NUCKS1: variants seen among roughly 807,000 people sequenced by gnomAD.
NUCKS1 encodes nuclear ubiquitous casein and cyclin-dependent kinase substrate 1.
NUCKS1 carries 2 observed loss-of-function variants against 33.0 expected under a neutral mutation model. The ratio of observed to expected loss-of-function variants is 0.06; its 90% CI spans 0.02 to 0.19. NUCKS1 has a LOEUF of 0.19. Among genes scored for constraint, NUCKS1 ranks in the 10% least tolerant of loss-of-function variants. NUCKS1 has a pLI of 1.00. For missense variants in NUCKS1, 201 were observed against 293.6 expected, an observed-to-expected ratio of 0.68 and a Z score of 2.31; for synonymous variants, 106 against 102.8, an observed-to-expected ratio of 1.03 and a Z score of -0.19.
At chr1:205,742,904 G>A (rs1302556217) in intron 1 of NUCKS1, among the ~76,000 whole-genome samples, 3 of 152,182 alleles carry the variant, frequency 2.0e-5, no homozygotes, top group Admixed American at 2.0e-4. Context: ...GAGTCTCCTA[G>A]GTGCAGTCTC....
chr1:205,741,655 CAG>C (rs1160060033), intron 1 of NUCKS1, among the ~76,000 whole-genome samples: 1 of 152,066 alleles, frequency 6.6e-6, no homozygotes, highest in African/African-American at 2.4e-5. Context: ...TCTCATGTAA[CAG>C]AAAAAATTAC....
chr1:205,730,966 G>C (rs1653896771), intron 1 of NUCKS1, among the ~76,000 whole-genome samples: 1 of 152,124 alleles, frequency 6.6e-6, no homozygotes, highest in African/African-American at 2.4e-5. Flanking sequence ...ATGTATACTT[G>C]ATAAACAAGG....
chr1:205,722,887 C>T (rs1489894836), intron 4 of NUCKS1, among the ~76,000 whole-genome samples: 1 of 152,190 alleles, frequency 6.6e-6, no homozygotes, highest in Non-Finnish European at 1.5e-5. Flanking sequence ...TTAAAAATCT[C>T]ATCTAGAGAC....
At chr1:205,738,100 A>G (rs1654072372) in intron 1 of NUCKS1, among the ~76,000 whole-genome samples, 1 of 151,370 alleles carries the variant, frequency 6.6e-6, no homozygotes, top group African/African-American at 2.4e-5. Context: ...ATCTCGGCTC[A>G]CTGCAACCTC....
chr1:205,737,028 C>G (rs1314082354), intron 1 of NUCKS1, among the ~76,000 whole-genome samples: 1 of 152,050 alleles, frequency 6.6e-6, no homozygotes, highest in Non-Finnish European at 1.5e-5. Flanking sequence ...TACTAGGGCT[C>G]CTTTTTAACA....
In NUCKS1 at chr1:205,750,101, G is replaced by A; in HGVS notation, c.-128C>T. On this transcript the variant is annotated 5_prime_UTR_variant, in exon 1 of 7. Transcript: ENST00000367142. ...CGCTGCTGCCGAACCCCGAGCTGCTGGCTTCTCAAACTCCGCTGCTCTTTG... is the reference window on the plus strand; with the variant it reads ...CGCTGCTGCCGAACCCCGAGCTGCTAGCTTCTCAAACTCCGCTGCTCTTTG... 2 of 1,028,174 alleles carry A rather than the reference G, an allele frequency of 1.9e-6. No individual in the cohort carries two copies. The highest frequency in any genetic ancestry group is 1.7e-5 in the African/African-American group (1 of 58,558). 63.7% of individuals were successfully genotyped at this position (1,028,174 alleles called of 1,614,324 possible).
intron 1 of NUCKS1, among the ~76,000 whole-genome samples, chr1:205,744,347 C>T (rs1002309854): frequency 4.6e-5 from 7 of 152,278 alleles, no homozygotes; most frequent in African/African-American, 1.7e-4. Context: ...ATGAGGATAA[C>T]ATATGCCTTT....
At chr1:205,733,326 T>C (rs954050409) in intron 1 of NUCKS1, among the ~76,000 whole-genome samples, 4 of 151,634 alleles carry the variant, frequency 2.6e-5, no homozygotes, top group Non-Finnish European at 5.9e-5. Context: ...AGGGCTTTGA[T>C]GTGAAAGGAG....
intron 6 of NUCKS1, among the ~76,000 whole-genome samples, chr1:205,718,815 T>C (rs564569386): frequency 6.6e-6 from 1 of 152,324 alleles, no homozygotes; most frequent in South Asian, 2.1e-4. Flanking sequence ...TTGTTTATGA[T>C]AAAAGTTGTT....
intron 1 of NUCKS1, among the ~76,000 whole-genome samples, chr1:205,741,542 A>G (rs1003426319): frequency 1.3e-5 from 2 of 152,142 alleles, no homozygotes; most frequent in Non-Finnish European, 2.9e-5. Flanking sequence ...GGTGTCTTCC[A>G]AACTGTGTAA....
intron 1 of NUCKS1, among the ~76,000 whole-genome samples, chr1:205,730,306 C>T (rs933096876): frequency 1.2e-4 from 18 of 151,868 alleles, no homozygotes; most frequent in Non-Finnish European, 4.4e-5. Flanking sequence ...CTCAGCCTCC[C>T]GAAGTGCTGG....
At chr1:205,732,779 C>G (rs868390136) in intron 1 of NUCKS1, among the ~76,000 whole-genome samples, 1 of 74,006 alleles carries the variant, frequency 1.4e-5, no homozygotes, top group African/African-American at 5.5e-5. Flanking sequence ...GACTCTGTCT[C>G]AAAAAAAAAA....
intron 1 of NUCKS1, among the ~76,000 whole-genome samples, chr1:205,730,093 G>A (rs999095084): frequency 6.6e-5 from 10 of 151,834 alleles, no homozygotes; most frequent in African/African-American, 2.4e-5. Context: ...TCACTCTGTC[G>A]CCTAGGCTGG....
At chr1:205,737,801 T>C (rs1463238499) in intron 1 of NUCKS1, among the ~76,000 whole-genome samples, 1 of 151,596 alleles carries the variant, frequency 6.6e-6, no homozygotes, top group Non-Finnish European at 1.5e-5. Flanking sequence ...AAGTATACAT[T>C]TGTCTTATAG....
intron 6 of NUCKS1, 79 bp from the exon 7 acceptor site, chr1:205,718,558 C>A: frequency 6.4e-7 from 1 of 1,568,134 alleles, no homozygotes; most frequent in South Asian, 1.2e-5. Flanking sequence ...ATACAACAAT[C>A]TGTAAGAATA....
Position 205,718,573 on chromosome 1 carries a change from C to A in NUCKS1, c.533-94G>T, listed in dbSNP as rs1025823020. ...ATACAACAATCTGTAAGAATAAAAT[C>A]TATAAAGACAATATGCAACTTACTA... is the stretch of plus-strand genomic sequence containing the variant. On this transcript the variant is annotated intron_variant, in intron 6 of 6. Coordinates refer to ENST00000367142, the MANE Select transcript of NUCKS1 (RefSeq NM_022731.5). 1.2e-5 allele frequency: 19 copies of A among 1,543,904 alleles called. No homozygotes were observed. The African/African-American group carries it at 2.6e-4, about 21-fold the overall frequency.
chr1:205,735,966 C>T (rs1316181368), intron 1 of NUCKS1, among the ~76,000 whole-genome samples: 2 of 150,516 alleles, frequency 1.3e-5, no homozygotes, highest in Admixed American at 6.6e-5. Context: ...TTTTTGGAGA[C>T]AGGGTCTGCT....
Position 205,724,432 on chromosome 1 carries a change from G to A in NUCKS1, c.174-451C>T, listed in dbSNP as rs116793336. 8.4e-3 allele frequency among the ~76,000 whole-genome samples: 1,282 copies of A among 152,288 alleles called. 8 individuals carry two copies. The highest frequency in any genetic ancestry group is 0.017 in the Middle Eastern group (5 of 294). ...CTGTAGTCCGGGCGTGGTGGCTCAC[G>A]CCTGTAATCTCAGCAGTTTGGGTGG... is the stretch of plus-strand genomic sequence containing the variant. On this transcript the variant is annotated intron_variant, in intron 3 of 6. Coordinates refer to ENST00000367142, the MANE Select transcript of NUCKS1 (RefSeq NM_022731.5).
intron 1 of NUCKS1, among the ~76,000 whole-genome samples, chr1:205,733,664 C>G (rs1027197315): frequency 4.6e-5 from 7 of 151,760 alleles, no homozygotes; most frequent in African/African-American, 1.7e-4. Flanking sequence ...ACATAAATGG[C>G]AGGCATTATA....
Sources: allele counts gnomAD v4.1 joint callset (sites outside exome capture counted in the v4.1 genomes callset), GRCh38; gene constraint gnomAD v4.1.1; transcripts MANE v1.5; gene names NCBI Gene and HGNC (gene_info 2026-07-23, HGNC 2026-07-21).